MYMX: variants seen among roughly 807,000 people sequenced by gnomAD.
The protein encoded by MYMX is protein myomixer.
chr6:44,213,485 G>A (rs190869216), upstream of MYMX, among the ~76,000 whole-genome samples: 1 of 142,158 alleles, frequency 7.0e-6, no homozygotes, highest in African/African-American at 3.1e-5. Context: ...GCAATGGCGC[G>A]ATCTCCACTC....
the MYMX span, among the ~76,000 whole-genome samples, chr6:44,196,933 G>T: frequency 6.6e-6 from 1 of 151,806 alleles, no homozygotes; most frequent in African/African-American, 2.4e-5. Context: ...ATTCCAACCT[G>T]GGTAAGAAGA....
At chr6:44,213,367 C>CA (rs544997794), upstream of MYMX, among the ~76,000 whole-genome samples, 6 of 146,764 alleles carry the variant, frequency 4.1e-5, no homozygotes, top group South Asian at 4.3e-4. Flanking sequence ...GCGTGGGCAA[C>CA]AAAAAAAAGA....
rs1775963035 is a variant in MYMX at position 44,217,768 on chromosome 6, C to T, written c.*42C>T. 1 of 400,966 alleles carries T rather than the reference C, an allele frequency of 2.5e-6. No homozygotes were observed. Among genetic ancestry groups the T allele is most frequent in the Non-Finnish European group, 4.4e-6 (1 of 226,382 alleles). 24.8% of individuals were successfully genotyped at this position (400,966 alleles called of 1,614,324 possible). A position where few individuals can be genotyped will look rare whatever the true frequency, so the allele number is the denominator to read the frequency against. On this transcript the variant is annotated 3_prime_UTR_variant, in exon 2 of 2. Coordinates refer to ENST00000573382, the MANE Select transcript of MYMX (RefSeq NM_001315494.2). Reference sequence around the variant, plus strand: ...AGCAGCTGTATCCACAAAATGCTTTCTTTTGGAGTAGGATAATCCTGGCAC... The same window carrying T: ...AGCAGCTGTATCCACAAAATGCTTTTTTTTGGAGTAGGATAATCCTGGCAC...
the MYMX span, among the ~76,000 whole-genome samples, chr6:44,209,013 G>C: frequency 2.0e-5 from 3 of 152,334 alleles, no homozygotes; most frequent in Admixed American, 1.3e-4. Flanking sequence ...GCCCAGGCAG[G>C]AGTGCAGTGG....
At chr6:44,194,696 C>T in the MYMX span, among the ~76,000 whole-genome samples, 1 of 152,182 alleles carries the variant, frequency 6.6e-6, no homozygotes, top group Non-Finnish European at 1.5e-5. Flanking sequence ...CAGCTGGAAG[C>T]AAGAGGCCTG....
the MYMX span, among the ~76,000 whole-genome samples, chr6:44,201,832 A>G: frequency 6.6e-6 from 1 of 152,212 alleles, no homozygotes; most frequent in Non-Finnish European, 1.5e-5. Context: ...ACCACCCCAT[A>G]GCACAGCTCC....
At chr6:44,201,127 G>GGAAT in the MYMX span, among the ~76,000 whole-genome samples, 2 of 152,192 alleles carry the variant, frequency 1.3e-5, no homozygotes, top group Non-Finnish European at 2.9e-5. Flanking sequence ...GGTGGGCAGA[G>GGAAT]GAATGATGGT....
At chr6:44,210,374 G>A in the MYMX span, among the ~76,000 whole-genome samples, 5 of 152,028 alleles carry the variant, frequency 3.3e-5, no homozygotes, top group South Asian at 2.1e-4. Flanking sequence ...CTGCAGTCTC[G>A]AACTTCTAGG....
At chr6:44,200,422 C>A in the MYMX span, among the ~76,000 whole-genome samples, 6 of 152,088 alleles carry the variant, frequency 3.9e-5, no homozygotes, top group African/African-American at 1.4e-4. Context: ...TCAAGCAATT[C>A]TCCTGTCTCA....
chr6:44,205,987 AAAAAACAAAAC>A, the MYMX span, among the ~76,000 whole-genome samples: 3 of 142,516 alleles, frequency 2.1e-5, no homozygotes, highest in African/African-American at 7.6e-5. Flanking sequence ...CTCAAAAAAA[AAAAAACAAAAC>A]AAAAAAAAAC....
At chr6:44,204,654 G>C in the MYMX span, among the ~76,000 whole-genome samples, 2 of 152,112 alleles carry the variant, frequency 1.3e-5, no homozygotes, top group African/African-American at 4.8e-5. Context: ...TGAGAGACTT[G>C]TATCTTACAT....
At chr6:44,205,971 C>A in the MYMX span, among the ~76,000 whole-genome samples, 2 of 114,336 alleles carry the variant, frequency 1.7e-5, no homozygotes, top group East Asian at 2.4e-4. Context: ...CAGAGCCAGA[C>A]CCTTTCTCAA....
chr6:44,216,678 A>C (rs1043923366), upstream of MYMX, among the ~76,000 whole-genome samples: 1 of 150,486 alleles, frequency 6.6e-6, no homozygotes, highest in Non-Finnish European at 1.5e-5. Flanking sequence ...AAAAAGAAGA[A>C]GAGAAAGAAA....
At chr6:44,196,626 G>C in the MYMX span, among the ~76,000 whole-genome samples, 1 of 152,028 alleles carries the variant, frequency 6.6e-6, no homozygotes, top group Admixed American at 6.6e-5. Context: ...TTGCGTTACT[G>C]TACTCCAGCC....
chr6:44,215,858 G>A (rs1390743787), upstream of MYMX, among the ~76,000 whole-genome samples: 2 of 152,152 alleles, frequency 1.3e-5, no homozygotes, highest in African/African-American at 4.8e-5. Context: ...TCATGCCACT[G>A]CACTCCAGCC....
the MYMX span, among the ~76,000 whole-genome samples, chr6:44,198,314 C>T: frequency 6.6e-6 from 1 of 150,824 alleles, no homozygotes; most frequent in South Asian, 2.1e-4. Context: ...AGGTGCCCGC[C>T]ACTACCACGC....
At chr6:44,195,165 C>T in the MYMX span, among the ~76,000 whole-genome samples, 12 of 151,988 alleles carry the variant, frequency 7.9e-5, no homozygotes, top group East Asian at 1.2e-3. Context: ...ATTACAGGTG[C>T]GCACCACCAA....
the MYMX span, among the ~76,000 whole-genome samples, chr6:44,201,222 T>A: frequency 1.3e-5 from 2 of 152,280 alleles, no homozygotes; most frequent in East Asian, 3.9e-4. Flanking sequence ...CTCAGGTAGG[T>A]GGTTTCTGGC....
upstream of MYMX, among the ~76,000 whole-genome samples, chr6:44,213,123 C>T (rs573213684): frequency 7.9e-5 from 12 of 152,228 alleles, no homozygotes; most frequent in African/African-American, 2.4e-4. Context: ...CCGTGGCTCA[C>T]GCCTGTAATC....
Sources: allele counts gnomAD v4.1 joint callset (sites outside exome capture counted in the v4.1 genomes callset), GRCh38; gene constraint gnomAD v4.1.1; transcripts MANE v1.5; gene names NCBI Gene and HGNC (gene_info 2026-07-23, HGNC 2026-07-21).